GASK1B: variants seen among roughly 807,000 people sequenced by gnomAD.
GASK1B encodes the protein golgi associated kinase 1B.
A neutral mutation model predicts 42.8 loss-of-function variants in GASK1B; 34 were observed. That is an observed-to-expected ratio of 0.79 (90% CI 0.60 to 1.06). The LOEUF (loss-of-function observed/expected upper bound fraction) is 1.06, where lower values mean the gene tolerates loss of function less well. Among genes scored for constraint, GASK1B ranks in the 50% least tolerant of loss-of-function variants. The probability of loss-of-function intolerance (pLI) is 0.00; values close to 1 mark genes in which losing one functional copy is unlikely to be tolerated. For missense variants in GASK1B, 686 were observed against 661.0 expected, an observed-to-expected ratio of 1.04 and a Z score of -0.42; for synonymous variants, 262 against 259.1, an observed-to-expected ratio of 1.01 and a Z score of -0.11.
intron 3 of GASK1B, among the ~76,000 whole-genome samples, chr4:158,147,980 G>A (rs1330002058): frequency 6.6e-6 from 1 of 152,202 alleles, no homozygotes; most frequent in East Asian, 1.9e-4. Context: ...GGGAGGCTGA[G>A]GTGGGTGGAT....
At chr4:158,140,628 G>A (rs568304766) in intron 3 of GASK1B, among the ~76,000 whole-genome samples, 3 of 152,248 alleles carry the variant, frequency 2.0e-5, no homozygotes, top group Non-Finnish European at 2.9e-5. Flanking sequence ...TGCTTTGCTC[G>A]AGCATACCCA....
intron 3 of GASK1B, among the ~76,000 whole-genome samples, chr4:158,143,586 A>T (rs1034792164): frequency 2.0e-5 from 3 of 152,164 alleles, no homozygotes; most frequent in Admixed American, 6.5e-5. Context: ...AGTGACAGGA[A>T]TGATTTTGAG....
intron 2 of GASK1B, among the ~76,000 whole-genome samples, chr4:158,163,853 C>T (rs1380250448): frequency 1.3e-5 from 2 of 152,176 alleles, no homozygotes; most frequent in Admixed American, 1.3e-4. Context: ...CAAACTGTAC[C>T]ACTTTTCCCT....
In GASK1B at chr4:158,130,886, G is replaced by C; in HGVS notation, c.1252C>G (p.Arg418Gly). ...ACCAAATGCCTTGGGTCATGCTTTC[G>C]CTGGATAATGTGTGCTAGAGCCGCA... ...GSAALAHIIQ[R>G]KHDPRHLVFI... The change falls in exon 4 of 5, where the codon CGA (arginine) becomes GGA (glycine). Residue 418 changes from arginine to glycine, a missense_variant. Physicochemically the swap from Arg to Gly is moderately radical, Grantham distance 125 (BLOSUM62 -2). Transcript: ENST00000585682. 1.9e-6 allele frequency: 3 copies of C among 1,613,996 alleles called. No individual in the cohort carries two copies. The highest frequency in any genetic ancestry group is 2.5e-6 in the Non-Finnish European group (3 of 1,179,958).
intron 3 of GASK1B, among the ~76,000 whole-genome samples, chr4:158,145,898 T>G (rs2110967252): frequency 6.6e-6 from 1 of 152,336 alleles, no homozygotes; most frequent in South Asian, 2.1e-4. Context: ...GGTCCTCCTC[T>G]ATGTTAACAC....
intron 3 of GASK1B, among the ~76,000 whole-genome samples, chr4:158,147,734 T>G (rs1482315251): frequency 6.6e-5 from 10 of 152,036 alleles, no homozygotes. Flanking sequence ...TAAGATCTAC[T>G]GTAAGCCAAG....
At chr4:158,165,580 A>G (rs370449375) in intron 2 of GASK1B, among the ~76,000 whole-genome samples, 1 of 152,202 alleles carries the variant, frequency 6.6e-6, no homozygotes, top group Non-Finnish European at 1.5e-5. Flanking sequence ...AATATTGTCA[A>G]TGTTAGATTA....
In GASK1B at chr4:158,166,129, T is replaced by G. The variant is rs570410130; in HGVS notation, c.910+4337A>C. ...CACACTGCTGGCTCTGCCTAATTAA[T>G]TACTATCTTGCCCTTCCTCAAGTGC... is the stretch of plus-strand genomic sequence containing the variant. On this transcript the variant is annotated intron_variant, in intron 2 of 4. Transcript: ENST00000585682. Among the ~76,000 whole-genome samples the G allele has an allele frequency of 2.0e-4, 31 of 152,194 alleles. No individual in the cohort carries two copies. The South Asian group carries it at 6.2e-3, about 31-fold the overall frequency.
At chr4:158,160,644 T>C (rs1731938551) in intron 2 of GASK1B, among the ~76,000 whole-genome samples, 1 of 152,190 alleles carries the variant, frequency 6.6e-6, no homozygotes, top group African/African-American at 2.4e-5. Context: ...AAGAGATGTC[T>C]GCACTCCCAT....
At chr4:158,158,505 T>C (rs528083822) in intron 2 of GASK1B, among the ~76,000 whole-genome samples, 1 of 152,254 alleles carries the variant, frequency 6.6e-6, no homozygotes, top group Non-Finnish European at 1.5e-5. Context: ...TGGGATCATC[T>C]TGTATGTAGA....
Position 158,127,262 on chromosome 4 carries a change from A to G in GASK1B, c.*145T>C, listed in dbSNP as rs142334292. The G allele has an allele frequency of 1.4e-3, 953 of 667,610 alleles. 12 individuals carry two copies. The African/African-American group carries it at 0.016, about 11-fold the overall frequency. 41.4% of individuals were successfully genotyped at this position (667,610 alleles called of 1,614,324 possible). ...TATGCATACAGTGCTAAGTCCCATT[A>G]TAGCTACTTGGTTAAAGTCATTTAT... is the stretch of plus-strand genomic sequence containing the variant. On this transcript the variant is annotated 3_prime_UTR_variant, in exon 5 of 5. Coordinates refer to ENST00000585682, the MANE Select transcript of GASK1B (RefSeq NM_001128424.2).
chr4:158,170,821 A>G lies in GASK1B; in HGVS notation c.555T>C (p.Gly185=). 6.2e-7 allele frequency: 1 copy of G among 1,614,066 alleles called. No homozygotes were observed. Among genetic ancestry groups the G allele is most frequent in the Non-Finnish European group, 8.5e-7 (1 of 1,179,990 alleles). The change falls in exon 2 of 5, where the codon GGT becomes GGC. Residue 185 remains glycine (G), a synonymous_variant. Transcript: ENST00000585682. ...IGERPWRLVR[G]PGVRAGGPDF... is the part of the protein sequence containing the mutation. The stretch of plus-strand genomic sequence containing the variant: ...CTGGGCCCCCGGCTCGCACTCCCGG[A>G]CCCCGCACCAACCTCCAGGGTCGCT...
intron 3 of GASK1B, among the ~76,000 whole-genome samples, chr4:158,133,503 A>G (rs4317248): frequency 0.8 from 121,623 of 152,094 alleles, 49,276 homozygotes; most frequent in East Asian, 0.94. Flanking sequence ...TTTCTATAAC[A>G]AAACCATGAA....
At chr4:158,166,945 A>G (rs1392007205) in intron 2 of GASK1B, among the ~76,000 whole-genome samples, 1 of 152,148 alleles carries the variant, frequency 6.6e-6, no homozygotes, top group Non-Finnish European at 1.5e-5. Flanking sequence ...TTGCTGGACA[A>G]CTAACTCATC....
chr4:158,168,691 G>C (rs1334906883), intron 2 of GASK1B: 1 of 152,086 alleles, frequency 6.6e-6, no homozygotes, highest in Non-Finnish European at 1.5e-5. Context: ...CCACGGCCCA[G>C]GCTCTTAGCC....
intron 2 of GASK1B, 63 bp downstream of exon 2, chr4:158,170,403 G>GA: frequency 1.2e-6 from 2 of 1,613,854 alleles, no homozygotes; most frequent in Non-Finnish European, 1.7e-6. Flanking sequence ...GAGAGTGAGG[G>GA]AAAAAAGAAA....
chr4:158,169,437 G>T (rs1031265132), intron 2 of GASK1B: 30 of 152,172 alleles, frequency 2.0e-4, no homozygotes, highest in African/African-American at 7.2e-4. Context: ...TAATGCTAAA[G>T]CCATTGGAAA....
chr4:158,149,953 C>T lies in GASK1B; in HGVS notation c.1125+5658G>A, dbSNP rs865916725. Reference sequence around the variant, plus strand: ...TTTTTTTTTTTTTTTGAGACGGAGTCTCACTCTGTCGCCCAGTTTGGAGTG... The same window carrying T: ...TTTTTTTTTTTTTTTGAGACGGAGTTTCACTCTGTCGCCCAGTTTGGAGTG... On this transcript the variant is annotated intron_variant, in intron 3 of 4. Coordinates refer to ENST00000585682, the MANE Select transcript of GASK1B (RefSeq NM_001128424.2). 6.5e-3 allele frequency among the ~76,000 whole-genome samples: 21 copies of T among 3,226 alleles called. No homozygotes were observed. The Middle Eastern group carries it at 0.5, about 77-fold the overall frequency. 2.1% of individuals were successfully genotyped at this position (3,226 alleles called of 152,430 possible).
At chr4:158,149,364 A>C (rs144850397) in intron 3 of GASK1B, among the ~76,000 whole-genome samples, 238 of 152,354 alleles carry the variant, frequency 1.6e-3, no homozygotes, top group African/African-American at 5.5e-3. Context: ...TATAACACAC[A>C]ATAGATGTTG....
Sources: gnomAD v4.1 joint callset for allele counts (sites outside exome capture counted in the v4.1 genomes callset) on GRCh38, gnomAD v4.1.1 for gene constraint, MANE v1.5 for transcripts, NCBI Gene and HGNC (gene_info 2026-07-23, HGNC 2026-07-21) for gene names.